The following TACC2 variants were observed in gnomAD, a reference collection of about 807,000 sequenced individuals.
TACC2 encodes the protein transforming acidic coiled-coil-containing protein 2.
In TACC2, 137 loss-of-function variants were observed where a neutral mutation model predicts 227.3. The ratio of observed to expected loss-of-function variants is 0.60; its 90% CI spans 0.52 to 0.69. The LOEUF (loss-of-function observed/expected upper bound fraction) is 0.69, where lower values mean the gene tolerates loss of function less well. Among genes scored for constraint, TACC2 ranks in the 30% least tolerant of loss-of-function variants. The probability of loss-of-function intolerance (pLI) is 0.00; values close to 1 mark genes in which losing one functional copy is unlikely to be tolerated. For missense variants in TACC2, 3,470 were observed against 3,694.4 expected (o/e 0.94, Z 1.57); for synonymous variants, 1,523 against 1,487.5 (o/e 1.02, Z -0.55).
intron 6 of TACC2, among the ~76,000 whole-genome samples, chr10:122,138,371 G>C (rs186337814): frequency 1.3e-5 from 2 of 152,098 alleles, no homozygotes; most frequent in African/African-American, 4.8e-5. Context: ...TTAGCTGGGC[G>C]TGGTGGCAGG....
At chr10:122,062,683 G>C (rs2076970057) in intron 3 of TACC2, among the ~76,000 whole-genome samples, 1 of 152,118 alleles carries the variant, frequency 6.6e-6, no homozygotes, top group African/African-American at 2.4e-5. Flanking sequence ...GGCTTTTTCA[G>C]AAGACAAACT....
chr10:122,132,734 G>A lies in TACC2; in HGVS notation c.5699G>A (p.Ser1900Asn), dbSNP rs762196038. 2 of 1,613,982 alleles carry A rather than the reference G, an allele frequency of 1.2e-6. No homozygotes were observed. The highest frequency in any genetic ancestry group is 4.5e-5 in the East Asian group (2 of 44,862). ...GQVSTDLIAQ[S>N]ISPAAAHAGL... Reference sequence around the variant, plus strand: ...GTCTCTACGGATCTGATAGCCCAGAGGTACGGTGGGGGCCCTGGAGCTGGT... The same window carrying A: ...GTCTCTACGGATCTGATAGCCCAGAAGTACGGTGGGGGCCCTGGAGCTGGT... Residue 1900 changes from serine to asparagine, a missense_variant and splice_region_variant, in exon 6 of 23, where the codon AGC becomes AAC. Physicochemically the swap from Ser to Asn is conservative, Grantham distance 46. Transcript: ENST00000369005.
At chr10:122,211,781 C>A in intron 9 of TACC2, 73 bp downstream of exon 9, 1 of 1,363,690 alleles carries the variant, frequency 7.3e-7, no homozygotes, top group Non-Finnish European at 9.9e-7. Context: ...GGTCATGTGC[C>A]TGGATAACCT....
chr10:122,202,090 A>G (rs1307618277), intron 8 of TACC2, among the ~76,000 whole-genome samples: 1 of 139,496 alleles, frequency 7.2e-6, no homozygotes, highest in African/African-American at 2.7e-5. Context: ...AAGTTAAGTG[A>G]TGTATACTGT....
In TACC2 at chr10:122,099,036, C is replaced by T. The variant is rs74158494; in HGVS notation, c.5573+10445C>T. 4.8e-3 allele frequency among the ~76,000 whole-genome samples: 735 copies of T among 152,256 alleles called. 3 individuals carry two copies. Among genetic ancestry groups the T allele is most frequent in the African/African-American group, 0.015 (612 of 41,540 alleles). ...AAGCTAACATTAGTGGGTGGGAGTACGCCTGTGTGGTGAGCCTGGCTGTGC... is the reference window on the plus strand; with the variant it reads ...AAGCTAACATTAGTGGGTGGGAGTATGCCTGTGTGGTGAGCCTGGCTGTGC... On this transcript the variant is annotated intron_variant, in intron 5 of 22. Coordinates refer to ENST00000369005, the MANE Select transcript of TACC2 (RefSeq NM_206862.4).
At chr10:122,199,631 A>T (rs180765667) in intron 8 of TACC2, among the ~76,000 whole-genome samples, 1 of 151,806 alleles carries the variant, frequency 6.6e-6, no homozygotes, top group Non-Finnish European at 1.5e-5. Flanking sequence ...GTGCTTACAG[A>T]CTCTCCCTCT....
chr10:122,238,894 A>G (rs1190103774), intron 18 of TACC2, among the ~76,000 whole-genome samples: 2 of 152,144 alleles, frequency 1.3e-5, no homozygotes, highest in South Asian at 2.1e-4. Context: ...AACATTTAGG[A>G]TGTTTCCTGA....
chr10:122,215,179 A>G (rs2095374603), intron 9 of TACC2, among the ~76,000 whole-genome samples: 1 of 152,172 alleles, frequency 6.6e-6, no homozygotes, highest in African/African-American at 2.4e-5. Flanking sequence ...CTCCAGCTTG[A>G]TGGATCTTTC....
At chr10:122,152,689 T>C (rs1421761070) in intron 7 of TACC2, among the ~76,000 whole-genome samples, 2 of 152,208 alleles carry the variant, frequency 1.3e-5, no homozygotes, top group Admixed American at 6.5e-5. Context: ...CAACACAGCC[T>C]GAGACATCTG....
In TACC2 at chr10:122,021,868, T is replaced by C. The variant is rs770317417; in HGVS notation, c.-45-69T>C. The C allele has an allele frequency of 9.2e-5, 80 of 874,128 alleles. No homozygotes were observed. The African/African-American group carries it at 1.3e-3, about 14-fold the overall frequency. The allele number at this position is 874,128 out of a possible 1,614,324, so 54.1% of individuals were successfully genotyped here. A position where few individuals can be genotyped will look rare whatever the true frequency, so the allele number is the denominator to read the frequency against. ...CATCTGGCTTTTGAGTTTGGGGAGATGAGCAGACAGAAAAAACCTCAGATC... is the reference window on the plus strand; with the variant it reads ...CATCTGGCTTTTGAGTTTGGGGAGACGAGCAGACAGAAAAAACCTCAGATC... On this transcript the variant is annotated intron_variant, in intron 1 of 22. Transcript: ENST00000369005.
intron 18 of TACC2, among the ~76,000 whole-genome samples, chr10:122,241,276 G>A (rs1474960864): frequency 1.3e-5 from 2 of 152,114 alleles, no homozygotes; most frequent in East Asian, 3.9e-4. Context: ...CGGGCTGGAG[G>A]TTTGGCTTTA....
At position 122,194,291 on chromosome 10, in the gene TACC2, C is replaced by T. The variant is rs2094498448; in HGVS notation, c.5835-749C>T. Among the ~76,000 whole-genome samples, 1 of 152,206 alleles carries T rather than the reference C, an allele frequency of 6.6e-6. No homozygotes were observed. The highest frequency in any genetic ancestry group is 2.4e-5 in the African/African-American group (1 of 41,456). ...CTCTCCTTGTTAGTGGGCAGAGTTT[C>T]TCCACATGGATTTTTGGTCCAGTTC... On this transcript the variant is annotated intron_variant, in intron 7 of 22. Coordinates refer to ENST00000369005, the MANE Select transcript of TACC2 (RefSeq NM_206862.4). This position sits in a 1 kb window ranked among gnomAD's most constrained non-coding sequence, Gnocchi z 4.4.
Position 122,084,450 on chromosome 10 carries a change from G to T in TACC2, c.1950G>T (p.Gln650His), listed in dbSNP as rs2079875382. Reference sequence around the variant, plus strand: ...GGCACACGGACGGGCCCCACTCTCAGACAGCAGAGGCTGATGCATCTGGCC... The same window carrying T: ...GGCACACGGACGGGCCCCACTCTCATACAGCAGAGGCTGATGCATCTGGCC... ...GAGHTDGPHS[Q>H]TAEADASGLP... Residue 650 changes from glutamine to histidine, a missense_variant, in exon 4 of 23, where the codon CAG becomes CAT. By Grantham distance (24) the Gln-to-His change is conservative (BLOSUM62 0). Transcript: ENST00000369005. 1 of 1,612,932 alleles carries T rather than the reference G, an allele frequency of 6.2e-7. No individual in the cohort carries two copies. Among genetic ancestry groups the T allele is most frequent in the Admixed American group, 1.7e-5 (1 of 60,026 alleles).
At chr10:122,153,092 T>C (rs1378151849) in intron 7 of TACC2, among the ~76,000 whole-genome samples, 1 of 150,938 alleles carries the variant, frequency 6.6e-6, no homozygotes, top group African/African-American at 2.4e-5. Context: ...GCCTCCCAGG[T>C]TCAGGCAATT....
intron 7 of TACC2, among the ~76,000 whole-genome samples, chr10:122,168,516 A>G (rs146194230): frequency 1.7e-4 from 26 of 152,172 alleles, no homozygotes; most frequent in African/African-American, 4.8e-4. Context: ...GGCCTTCACT[A>G]TCTTCTCTGG....
intron 5 of TACC2, among the ~76,000 whole-genome samples, chr10:122,097,500 T>A (rs1253755017): frequency 6.6e-6 from 1 of 150,832 alleles, no homozygotes; most frequent in African/African-American, 2.5e-5. Flanking sequence ...AGCACTCAGT[T>A]TTCAGGCCAG....
At chr10:122,161,003 C>T (rs913214656) in intron 7 of TACC2, among the ~76,000 whole-genome samples, 9 of 152,106 alleles carry the variant, frequency 5.9e-5, no homozygotes, top group Admixed American at 2.6e-4. Flanking sequence ...AGTGCAGTGG[C>T]ACGATCATGG....
In TACC2 at chr10:122,194,911, C is replaced by A; in HGVS notation, c.5835-129C>A. The A allele has an allele frequency of 1.2e-6, 1 of 836,378 alleles. No individual in the cohort carries two copies. 51.8% of individuals were successfully genotyped at this position (836,378 alleles called of 1,614,324 possible). The stretch of plus-strand genomic sequence containing the variant: ...ACGACTGAGAAAATGACTTTCCTCT[C>A]ATCTGTCCCTGCACAGTTTAACTGA... On this transcript the variant is annotated intron_variant, in intron 7 of 22. Coordinates refer to ENST00000369005, the MANE Select transcript of TACC2 (RefSeq NM_206862.4). The surrounding 1 kb of genome is among the most constrained non-coding windows in gnomAD (Gnocchi z 4.4).
intron 1 of TACC2, among the ~76,000 whole-genome samples, chr10:122,011,999 A>C (rs1342973176): frequency 6.6e-6 from 1 of 151,728 alleles, no homozygotes. Context: ...GTGCAGTAGC[A>C]AGATCTTGGC....
Sources: allele counts gnomAD v4.1 joint callset (sites outside exome capture counted in the v4.1 genomes callset), GRCh38; gene constraint gnomAD v4.1.1; non-coding constraint Gnocchi (gnomAD v3.1); transcripts MANE v1.5; gene names NCBI Gene and HGNC (gene_info 2026-07-23, HGNC 2026-07-21).